Variants in DLGAP4 observed in about 807,000 individuals in gnomAD.
DLGAP4 encodes DLG associated protein 4, also known as disks large-associated protein 4.
DLGAP4 carries 18 observed loss-of-function variants against 86.9 expected under a neutral mutation model. That is an observed-to-expected ratio of 0.21 (90% confidence interval 0.14 to 0.31). The LOEUF is 0.31. Ranked by LOEUF, DLGAP4 falls within the 10% of genes least tolerant of loss-of-function variation. The probability of loss-of-function intolerance (pLI) is 1.00; values close to 1 mark genes in which losing one functional copy is unlikely to be tolerated. For missense variants in DLGAP4, 1,085 were observed against 1,362.6 expected (o/e 0.80, Z 3.21); for synonymous variants, 548 against 574.3 (o/e 0.95, Z 0.65).
At chr20:36,523,391 T>A (rs1362418144) in intron 10 of DLGAP4, among the ~76,000 whole-genome samples, 1 of 152,226 alleles carries the variant, frequency 6.6e-6, no homozygotes. Flanking sequence ...TTTTTTACAA[T>A]TCTTCTGATA....
At position 36,436,170 on chromosome 20, in the gene DLGAP4, C is replaced by T; in HGVS notation, c.1061C>T (p.Ala354Val). 2 of 1,597,350 alleles carry T rather than the reference C, an allele frequency of 1.3e-6. No individual in the cohort carries two copies. Among genetic ancestry groups the T allele is most frequent in the African/African-American group, 1.3e-5 (1 of 74,888 alleles). Residue 354 changes from alanine to valine, a missense_variant, in exon 4 of 13, where the codon GCG becomes GTG. By Grantham distance (64) the Ala-to-Val change is moderately conservative (BLOSUM62 0). Coordinates refer to ENST00000339266, the MANE Select transcript of DLGAP4 (RefSeq NM_001365621.2). ...CTGTCCCCACGCGAGACGGATGCCG[C>T]GGCCGAGGGCCCTATCCCGTGCCGG... ...TLLSPRETDA[A>V]AEGPIPCRRM...
At position 36,431,669 on chromosome 20, in the gene DLGAP4, G is replaced by A; in HGVS notation, c.-49G>A. On this transcript the variant is annotated 5_prime_UTR_variant, in exon 3 of 13. Coordinates refer to ENST00000339266, the MANE Select transcript of DLGAP4 (RefSeq NM_001365621.2). This position sits in a 1 kb window ranked among gnomAD's most constrained non-coding sequence, Gnocchi z 5.1. ...AGGATAGCTGCCGCCCGGGAGAGGTGACCCGGGCGCCCTGCTAGGGTGAAG... is the reference window on the plus strand; with the variant it reads ...AGGATAGCTGCCGCCCGGGAGAGGTAACCCGGGCGCCCTGCTAGGGTGAAG... The A allele has an allele frequency of 6.6e-7, 1 of 1,517,306 alleles. No individual in the cohort carries two copies. The highest frequency in any genetic ancestry group is 8.8e-7 in the Non-Finnish European group (1 of 1,132,846). 94.0% of individuals were successfully genotyped at this position (1,517,306 alleles called of 1,614,324 possible).
At chr20:36,466,553 C>G (rs1003123086) in intron 7 of DLGAP4, among the ~76,000 whole-genome samples, 1 of 152,230 alleles carries the variant, frequency 6.6e-6, no homozygotes, top group South Asian at 2.1e-4. Flanking sequence ...AAATCTCTCT[C>G]GGGTTCCCAG....
rs5841234 is a variant in DLGAP4, at chr20:36,430,955, T to TA, written c.-72-672dup. 7.8e-3 allele frequency among the ~76,000 whole-genome samples: 930 copies of TA among 119,566 alleles called. 7 individuals are homozygous for TA. Among genetic ancestry groups the TA allele is most frequent in the African/African-American group, 0.022 (702 of 31,468 alleles). The allele number at this position is 119,566 out of a possible 152,430, so 78.4% of individuals were successfully genotyped here. A position where few individuals can be genotyped will look rare whatever the true frequency, so the allele number is the denominator to read the frequency against. ...GGGTAACAGAGTGAGACTCTGTCTC[T>TA]AAAAAAAAAAAAAAAAAAAGACCTC... On this transcript the variant is annotated intron_variant, in intron 2 of 12. Coordinates refer to ENST00000339266, the MANE Select transcript of DLGAP4 (RefSeq NM_001365621.2).
intron 2 of DLGAP4, among the ~76,000 whole-genome samples, chr20:36,419,834 C>T (rs1220234470): frequency 6.6e-6 from 1 of 152,232 alleles, no homozygotes; most frequent in Non-Finnish European, 1.5e-5. Flanking sequence ...CACACTTGGT[C>T]ATCTCCACAA....
intron 10 of DLGAP4, among the ~76,000 whole-genome samples, chr20:36,514,207 T>A (rs1387698559): frequency 1.3e-5 from 2 of 152,006 alleles, no homozygotes; most frequent in African/African-American, 4.8e-5. Flanking sequence ...CCAAGCCAGA[T>A]CTAGAAAGGC....
intron 2 of DLGAP4, among the ~76,000 whole-genome samples, chr20:36,397,591 A>T (rs746313165): frequency 1.3e-5 from 2 of 152,038 alleles, no homozygotes; most frequent in African/African-American, 2.4e-5. Context: ...ATAAACACTG[A>T]AGACTATACG....
At chr20:36,327,812 C>A (rs1358312025) in intron 1 of DLGAP4, among the ~76,000 whole-genome samples, 1 of 147,072 alleles carries the variant, frequency 6.8e-6, no homozygotes, top group Non-Finnish European at 1.5e-5. Flanking sequence ...GGGATGGTCT[C>A]GATCTCCTGA....
At chr20:36,359,761 C>G (rs2030454501) in intron 1 of DLGAP4, among the ~76,000 whole-genome samples, 1 of 152,194 alleles carries the variant, frequency 6.6e-6, no homozygotes, top group East Asian at 1.9e-4. Context: ...CTGTTCCTAT[C>G]AGAACATTGC....
chr20:36,369,397 A>T (rs1466871139), intron 2 of DLGAP4, among the ~76,000 whole-genome samples: 1 of 152,156 alleles, frequency 6.6e-6, no homozygotes, highest in Non-Finnish European at 1.5e-5. Context: ...GTTCGAGACC[A>T]CCCTGGCCAA....
At chr20:36,361,687 A>T (rs782805036) in intron 1 of DLGAP4, among the ~76,000 whole-genome samples, 3 of 152,060 alleles carry the variant, frequency 2.0e-5, no homozygotes, top group Non-Finnish European at 4.4e-5. Context: ...AAAAGATAGG[A>T]CATGGCCTGG....
At chr20:36,327,845 C>G (rs1358460267) in intron 1 of DLGAP4, among the ~76,000 whole-genome samples, 2 of 147,826 alleles carry the variant, frequency 1.4e-5, no homozygotes, top group Non-Finnish European at 3.0e-5. Flanking sequence ...CCCGCCTCGG[C>G]CTCCCAAAGT....
chr20:36,514,937 G>A (rs1765067847), intron 10 of DLGAP4, among the ~76,000 whole-genome samples: 1 of 152,090 alleles, frequency 6.6e-6, no homozygotes, highest in African/African-American at 2.4e-5. Context: ...AGGCAGATGG[G>A]AGCAGAGTCA....
chr20:36,482,757 T>C (rs2035244909), intron 7 of DLGAP4, among the ~76,000 whole-genome samples: 2 of 152,270 alleles, frequency 1.3e-5, no homozygotes, highest in South Asian at 4.1e-4. Flanking sequence ...CTACAACCTC[T>C]GTCTCCCGGG....
At chr20:36,309,219 T>C (rs1228680686) in intron 1 of DLGAP4, among the ~76,000 whole-genome samples, 2 of 152,186 alleles carry the variant, frequency 1.3e-5, no homozygotes, top group Non-Finnish European at 2.9e-5. Context: ...GCTGTGTCAC[T>C]GTCACCACCC....
chr20:36,386,400 G>A (rs1285167758), intron 2 of DLGAP4, among the ~76,000 whole-genome samples: 1 of 151,326 alleles, frequency 6.6e-6, no homozygotes, highest in Non-Finnish European at 1.5e-5. Flanking sequence ...GGGAGAAAAG[G>A]AGGAAGGAAG....
chr20:36,428,680 C>T (rs1375497922), intron 2 of DLGAP4, among the ~76,000 whole-genome samples: 1 of 152,234 alleles, frequency 6.6e-6, no homozygotes, highest in Non-Finnish European at 1.5e-5. Flanking sequence ...CGTTAAGAGT[C>T]AAGAAGACCT....
chr20:36,327,937 G>A (rs1366546307), intron 1 of DLGAP4, among the ~76,000 whole-genome samples: 1 of 147,932 alleles, frequency 6.8e-6, no homozygotes, highest in Non-Finnish European at 1.5e-5. Context: ...AGTGGCTCAC[G>A]CCTGTAATCC....
chr20:36,427,402 T>C lies in DLGAP4; in HGVS notation c.-72-4244T>C, dbSNP rs2033004602. ...TTGAGGCAGGAGAATCGGTTGAACC[T>C]GGGAGGCAGAGGTTGCAGTGAGCTG... On this transcript the variant is annotated intron_variant, in intron 2 of 12. Coordinates refer to ENST00000339266, the MANE Select transcript of DLGAP4 (RefSeq NM_001365621.2). Among the ~76,000 whole-genome samples the C allele has an allele frequency of 2.0e-5, 3 of 149,574 alleles. No homozygotes were observed. In the Admixed American group the frequency reaches 2.0e-4, roughly 10 times the overall value.
Sources: gnomAD v4.1 joint callset for allele counts (sites outside exome capture counted in the v4.1 genomes callset) on GRCh38, gnomAD v4.1.1 for gene constraint, Gnocchi (gnomAD v3.1) non-coding constraint, MANE v1.5 for transcripts, NCBI Gene and HGNC (gene_info 2026-07-23, HGNC 2026-07-21) for gene names.